Variants in CLVS1 observed in about 807,000 individuals in gnomAD.
CLVS1 encodes clavesin 1, also known as clavesin-1.
In CLVS1, 10 loss-of-function variants were observed where a neutral mutation model predicts 33.1. The observed-to-expected ratio is 0.30, with a 90% CI of 0.19 to 0.51. The LOEUF (loss-of-function observed/expected upper bound fraction) is 0.51, where lower values mean the gene tolerates loss of function less well. CLVS1 is among the 20% of genes least tolerant of loss of function. The pLI is 0.97. For missense variants in CLVS1, 343 were observed against 433.4 expected (o/e 0.79, Z 1.85); for synonymous variants, 163 against 166.1 (o/e 0.98, Z 0.14).
chr8:61,070,251 G>A (rs956787298), intron 1 of CLVS1, among the ~76,000 whole-genome samples: 15 of 152,108 alleles, frequency 9.9e-5, no homozygotes, highest in Admixed American at 2.6e-4. Flanking sequence ...TTTTGTGTGC[G>A]TCTCTCATAT....
chr8:61,232,040 T>TTTTTTTTG (rs1808453730), intron 2 of CLVS1, among the ~76,000 whole-genome samples: 1 of 136,366 alleles, frequency 7.3e-6, no homozygotes, highest in African/African-American at 3.1e-5. Flanking sequence ...TTTTTTTTTT[T>TTTTTTTTG]TTTTTTTTTT....
At chr8:61,400,644 A>C (rs982152903) in intron 3 of CLVS1, among the ~76,000 whole-genome samples, 3 of 152,196 alleles carry the variant, frequency 2.0e-5, no homozygotes, top group African/African-American at 7.2e-5. Flanking sequence ...GCTTTTGCCC[A>C]TTCAGTATGC....
chr8:61,481,654 G>C (rs986940324), intron 5 of CLVS1, among the ~76,000 whole-genome samples: 7 of 152,218 alleles, frequency 4.6e-5, no homozygotes, highest in Non-Finnish European at 1.0e-4. Context: ...TGGGAGAGGG[G>C]CGTCTGTCAT....
At chr8:61,280,959 C>T (rs925562772) in intron 2 of CLVS1, among the ~76,000 whole-genome samples, 3 of 152,152 alleles carry the variant, frequency 2.0e-5, no homozygotes, top group African/African-American at 7.2e-5. Flanking sequence ...ACATACACAT[C>T]TTCATAGTCT....
At chr8:61,053,485 C>T (rs969769527), upstream of CLVS1, among the ~76,000 whole-genome samples, 9 of 152,340 alleles carry the variant, frequency 5.9e-5, no homozygotes, top group East Asian at 1.9e-4. Flanking sequence ...AGGTCTAAAA[C>T]GACAGTTGGG....
At position 61,126,808 on chromosome 8, in the gene CLVS1, T is replaced by C. The variant is rs534398497; in HGVS notation, c.-242-4962T>C. 3.9e-5 allele frequency among the ~76,000 whole-genome samples: 6 copies of C among 152,292 alleles called. No homozygotes were observed. In the East Asian group the frequency reaches 1.2e-3, roughly 29 times the overall value. On this transcript the variant is annotated intron_variant, in intron 1 of 2. Coordinates refer to the CLVS1 transcript ENST00000522621. The stretch of plus-strand genomic sequence containing the variant: ...TTTTGTTTGCATGTTGGACTTATTC[T>C]CTCCTGCTTTACACAACCTCTCTCT...
At chr8:61,182,397 C>A (rs1807256230) in intron 2 of CLVS1, among the ~76,000 whole-genome samples, 1 of 152,038 alleles carries the variant, frequency 6.6e-6, no homozygotes, top group Middle Eastern at 3.2e-3. Flanking sequence ...AAAAGGCAAC[C>A]TACAGAATGA....
intron 2 of CLVS1, among the ~76,000 whole-genome samples, chr8:61,209,391 CA>C (rs1462556898): frequency 6.6e-6 from 1 of 152,122 alleles, no homozygotes; most frequent in Non-Finnish European, 1.5e-5. Context: ...TGCACAACTA[CA>C]AAAAGAGATA....
intron 2 of CLVS1, among the ~76,000 whole-genome samples, chr8:61,234,738 A>C (rs968811542): frequency 6.6e-6 from 1 of 152,114 alleles, no homozygotes; most frequent in Non-Finnish European, 1.5e-5. Context: ...GTTAACCACT[A>C]TCCTTTGTGT....
chr8:61,388,057 G>A (rs868400955), intron 3 of CLVS1, among the ~76,000 whole-genome samples: 10 of 152,012 alleles, frequency 6.6e-5, no homozygotes, highest in Non-Finnish European at 1.3e-4. Flanking sequence ...CTCTTTTGAC[G>A]AGTAAGGTAC....
intron 2 of CLVS1, among the ~76,000 whole-genome samples, chr8:61,349,318 A>G (rs1812354251): frequency 6.6e-6 from 1 of 152,104 alleles, no homozygotes; most frequent in South Asian, 2.1e-4. Flanking sequence ...CTTTTCCCCT[A>G]TAATTTGTAG....
intron 3 of CLVS1, among the ~76,000 whole-genome samples, chr8:61,401,207 G>T (rs1814736237): frequency 6.6e-6 from 1 of 150,562 alleles, no homozygotes; most frequent in South Asian, 2.1e-4. Flanking sequence ...ATACTAGATT[G>T]TGTCAACTGA....
rs1003532239 is a variant in CLVS1, at chr8:61,376,645, T to C, written c.496T>C (p.Leu166=). ...CATCCTTCGTGCCATCCTGCTGTCATTGGAAGTCCTAATCGAAGATCCGGA... is the reference window on the plus strand; with the variant it reads ...CATCCTTCGTGCCATCCTGCTGTCACTGGAAGTCCTAATCGAAGATCCGGA... The part of the protein sequence containing the change: ...TDILRAILLS[L]EVLIEDPELQ... Residue 166 remains leucine (L), a synonymous_variant, in exon 3 of 6, where the codon TTG becomes CTG. Transcript: ENST00000325897. 1.1e-5 allele frequency: 18 copies of C among 1,614,044 alleles called. No individual in the cohort carries two copies. Among genetic ancestry groups the C allele is most frequent in the South Asian group, 2.2e-5 (2 of 91,078 alleles).
intron 2 of CLVS1, among the ~76,000 whole-genome samples, chr8:61,364,001 T>G (rs1189496288): frequency 6.6e-6 from 1 of 152,196 alleles, no homozygotes; most frequent in Non-Finnish European, 1.5e-5. Flanking sequence ...ATATTTACAG[T>G]GCTCTAGGCT....
intron 2 of CLVS1, among the ~76,000 whole-genome samples, chr8:61,141,597 T>C (rs1187963513): frequency 1.3e-5 from 2 of 152,242 alleles, no homozygotes; most frequent in Non-Finnish European, 2.9e-5. Context: ...AAAATAGGTA[T>C]TGTATGAGTT....
At chr8:61,244,382 T>C (rs993254174) in intron 2 of CLVS1, among the ~76,000 whole-genome samples, 1 of 152,076 alleles carries the variant, frequency 6.6e-6, no homozygotes, top group African/African-American at 2.4e-5. Context: ...GAAAGTTGTC[T>C]TGTTTTATGG....
intron 2 of CLVS1, among the ~76,000 whole-genome samples, chr8:61,159,980 A>G (rs550939342): frequency 6.6e-6 from 1 of 152,330 alleles, no homozygotes; most frequent in East Asian, 1.9e-4. Context: ...TTCTCCACCC[A>G]GGCTTAGACT....
intron 2 of CLVS1, among the ~76,000 whole-genome samples, chr8:61,257,962 T>C (rs949412735): frequency 2.6e-5 from 4 of 151,898 alleles, no homozygotes; most frequent in Non-Finnish European, 5.9e-5. Flanking sequence ...ATGATGATGG[T>C]GGTGGTGGTA....
intron 2 of CLVS1, among the ~76,000 whole-genome samples, chr8:61,336,052 T>G (rs1811787001): frequency 6.6e-6 from 1 of 152,066 alleles, no homozygotes; most frequent in Non-Finnish European, 1.5e-5. Context: ...TAGAATTCGC[T>G]GAGAAAAGCA....
Sources: allele counts gnomAD v4.1 joint callset (sites outside exome capture counted in the v4.1 genomes callset), GRCh38; gene constraint gnomAD v4.1.1; transcripts MANE v1.5; gene names NCBI Gene and HGNC (gene_info 2026-07-23, HGNC 2026-07-21).